MIDEAS: variants seen among roughly 807,000 people sequenced by gnomAD.
MIDEAS encodes mitotic deacetylase-associated SANT domain protein.
MIDEAS carries 26 observed loss-of-function variants against 102.7 expected under a neutral mutation model. That is an observed-to-expected ratio of 0.25 (90% CI 0.19 to 0.35). The LOEUF is 0.35. Ranked by LOEUF, MIDEAS falls within the 10% of genes least tolerant of loss-of-function variation. The probability of loss-of-function intolerance (pLI) is 1.00; values close to 1 mark genes in which losing one functional copy is unlikely to be tolerated. For missense variants in MIDEAS, 1,231 were observed against 1,435.6 expected (o/e 0.86, Z 2.30); for synonymous variants, 585 against 591.0 (o/e 0.99, Z 0.15).
intron 1 of MIDEAS, 68 bp from the exon 2 acceptor site, chr14:73,740,323 T>C: frequency 2.5e-6 from 1 of 399,934 alleles, no homozygotes; most frequent in South Asian, 1.3e-4. Context: ...TCAGCACAAG[T>C]GTAAGAAAAG....
rs1416100889 is a variant in MIDEAS at position 73,719,415 on chromosome 14, C to T, written c.3024G>A (p.Gly1008=). ...GGQASEKPRE[G]TGKSRRALPF... ...GTAGTGCCCTTCGTGACTTCCCTGT[C>T]CCTTCCCTTGGCTTCTCCGAGGCCT... The change falls in exon 12 of 13, where the codon GGG becomes GGA. Residue 1008 remains glycine, a synonymous_variant. Transcript: ENST00000423556. 1 of 1,614,128 alleles carries T rather than the reference C, an allele frequency of 6.2e-7. No homozygotes were observed. Among genetic ancestry groups the T allele is most frequent in the Admixed American group, 1.7e-5 (1 of 60,014 alleles).
At chr14:73,774,656 C>T (rs566835143) in intron 1 of MIDEAS, among the ~76,000 whole-genome samples, 1 of 152,016 alleles carries the variant, frequency 6.6e-6, no homozygotes, top group South Asian at 2.1e-4. Flanking sequence ...AGTGGGGCCC[C>T]GATACAGGTT....
intron 1 of MIDEAS, among the ~76,000 whole-genome samples, chr14:73,752,323 T>TAGC (rs2053430190): frequency 6.6e-6 from 1 of 152,182 alleles, no homozygotes; most frequent in South Asian, 2.1e-4. Flanking sequence ...TTCTCACACT[T>TAGC]AGCACCCCTA....
Position 73,739,549 on chromosome 14 carries a change from C to G in MIDEAS, c.460G>C (p.Gly154Arg), listed in dbSNP as rs2053255810. ...ATKGSPHPGV[G>R]VPTYYNHPEA... ...GGGTGGTTATAGTAAGTCGGGACTC[C>G]CACTCCAGGATGCGGGCTCCCCTTG... The change falls in exon 2 of 13, where the codon GGA becomes CGA. Residue 154 changes from glycine (G) to arginine (R), a missense_variant. This residue lies in a region of MIDEAS where 758 missense variants were observed against 856.0 expected (regional missense o/e 0.89). Transcript: ENST00000423556. 1 of 1,614,008 alleles carries G rather than the reference C, an allele frequency of 6.2e-7. No individual in the cohort carries two copies. Among genetic ancestry groups the G allele is most frequent in the South Asian group, 1.1e-5 (1 of 91,092 alleles).
rs568116974 is a variant in MIDEAS at position 73,727,602 on chromosome 14, T to C, written c.2096-78A>G. On this transcript the variant is annotated intron_variant, in intron 4 of 12. Transcript: ENST00000423556. The stretch of plus-strand genomic sequence containing the variant: ...CCCCAATCCTAGTGGCTGCCCTGTA[T>C]GTGCAAGAGTCACAGTGGTGACACA... 944 of 1,353,100 alleles carry C rather than the reference T, an allele frequency of 7.0e-4. 12 individuals are homozygous for C. In the South Asian group the frequency reaches 0.013, roughly 18 times the overall value. 83.8% of individuals were successfully genotyped at this position (1,353,100 alleles called of 1,614,324 possible).
At chr14:73,727,375 C>T (rs929816433) in intron 5 of MIDEAS, 83 bp downstream of exon 5, 21 of 1,445,240 alleles carry the variant, frequency 1.5e-5, no homozygotes, top group Non-Finnish European at 2.0e-5. Context: ...ACGGAACCCT[C>T]CTGTTGCTCC....
chr14:73,733,321 C>T (rs1199327134), intron 3 of MIDEAS, among the ~76,000 whole-genome samples: 1 of 151,952 alleles, frequency 6.6e-6, no homozygotes, highest in African/African-American at 2.4e-5. Flanking sequence ...GGTGAGGTGG[C>T]TTACACCTGT....
upstream of MIDEAS, among the ~76,000 whole-genome samples, chr14:73,789,335 G>A (rs1357300353): frequency 6.6e-6 from 1 of 152,154 alleles, no homozygotes; most frequent in Admixed American, 6.5e-5. Flanking sequence ...AGGCAGCCTG[G>A]TAGAAAGGGA....
At chr14:73,757,886 C>A (rs1391167533) in intron 1 of MIDEAS, among the ~76,000 whole-genome samples, 1 of 152,218 alleles carries the variant, frequency 6.6e-6, no homozygotes. Context: ...AAATTAAATT[C>A]TCATCCCCAT....
rs28460302 is a variant in MIDEAS, at chr14:73,742,194, C to T, written c.-247-1939G>A. Among the ~76,000 whole-genome samples, 2,411 of 152,364 alleles carry T rather than the reference C, an allele frequency of 0.016. 47 individuals are homozygous for T. The highest frequency in any genetic ancestry group is 0.052 in the African/African-American group (2,182 of 41,582). ...GCAAGACAGAGAAAGGAAGAATGTGCGCCAGCCTGGCAAGCCCACGTGCCT... is the reference window on the plus strand; with the variant it reads ...GCAAGACAGAGAAAGGAAGAATGTGTGCCAGCCTGGCAAGCCCACGTGCCT... On this transcript the variant is annotated intron_variant, in intron 1 of 12. Coordinates refer to ENST00000423556, the MANE Select transcript of MIDEAS (RefSeq NM_001367710.1). The surrounding 1 kb of genome is among the most constrained non-coding windows in gnomAD (Gnocchi z 4.4).
chr14:73,721,616 G>T, intron 10 of MIDEAS, 107 bp from the exon 11 acceptor site: 1 of 967,166 alleles, frequency 1.0e-6, no homozygotes, highest in Non-Finnish European at 1.6e-6. Context: ...AGTCCTGCTC[G>T]CCTGGCTGGC....
At chr14:73,733,065 C>T (rs2053159784) in intron 3 of MIDEAS, among the ~76,000 whole-genome samples, 1 of 151,708 alleles carries the variant, frequency 6.6e-6, no homozygotes, top group Non-Finnish European at 1.5e-5. Context: ...GCACTCCGGC[C>T]TGAGCCACAA....
intron 1 of MIDEAS, among the ~76,000 whole-genome samples, chr14:73,754,325 T>C (rs2140146239): frequency 6.6e-6 from 1 of 152,348 alleles, no homozygotes; most frequent in East Asian, 1.9e-4. Context: ...GTGTGGGTAC[T>C]TCTGCTTTCA....
Position 73,737,160 on chromosome 14 carries a change from C to T in MIDEAS, c.1587G>A (p.Val529=). ...GGTCCACAGTTCGCACAGGCACAGA[C>T]ACTGGGATGATGAGGGGTACCATCC... is the stretch of plus-strand genomic sequence containing the variant. ...DSGMVPLIIP[V]SVPVRTVDPT... Residue 529 remains valine (V), a synonymous_variant, in exon 3 of 13, where the codon GTG becomes GTA. Transcript: ENST00000423556. 2 of 1,614,126 alleles carry T rather than the reference C, an allele frequency of 1.2e-6. No homozygotes were observed. The highest frequency in any genetic ancestry group is 1.7e-6 in the Non-Finnish European group (2 of 1,180,018).
intron 4 of MIDEAS, chr14:73,728,983 A>G (rs890533815): frequency 2.6e-5 from 4 of 152,292 alleles, no homozygotes; most frequent in African/African-American, 9.7e-5. Context: ...AGGCATCTAT[A>G]AGCTAGCTAC....
chr14:73,724,425 G>C (rs928808508), intron 9 of MIDEAS: 2 of 152,248 alleles, frequency 1.3e-5, no homozygotes, highest in Non-Finnish European at 2.9e-5. Flanking sequence ...TTGTTTGACT[G>C]ACTAAAGGTC....
At chr14:73,727,044 T>G in intron 5 of MIDEAS, 72 bp from the exon 6 acceptor site, 1 of 1,522,724 alleles carries the variant, frequency 6.6e-7, no homozygotes, top group East Asian at 2.3e-5. Flanking sequence ...TCCCTCAGGG[T>G]GGGAAGAAGA....
intron 1 of MIDEAS, among the ~76,000 whole-genome samples, chr14:73,756,732 C>T (rs1263630337): frequency 1.3e-5 from 2 of 152,182 alleles, no homozygotes; most frequent in African/African-American, 2.4e-5. Flanking sequence ...AGGGAGATGG[C>T]TCCACAACTC....
At chr14:73,736,899 G>T in intron 3 of MIDEAS, 99 bp downstream of exon 3, 1 of 1,258,138 alleles carries the variant, frequency 7.9e-7, no homozygotes, top group Non-Finnish European at 1.1e-6. Context: ...CAGGTTCCCT[G>T]ATACCTTCCT....
Sources: allele counts gnomAD v4.1 joint callset (sites outside exome capture counted in the v4.1 genomes callset), GRCh38; gene constraint gnomAD v4.1.1; regional missense constraint gnomAD v4.1.1; non-coding constraint Gnocchi (gnomAD v3.1); transcripts MANE v1.5; gene names NCBI Gene and HGNC (gene_info 2026-07-23, HGNC 2026-07-21).